Variants in RYR3 observed in about 807,000 individuals in gnomAD.
The protein encoded by RYR3 is brain ryanodine receptor-calcium release channel.
A neutral mutation model predicts 584.3 loss-of-function variants in RYR3; 207 were observed. That is an observed-to-expected ratio of 0.35 (90% CI 0.32 to 0.40). RYR3 has a LOEUF of 0.40. Ranked by LOEUF, RYR3 falls within the 10% of genes least tolerant of loss-of-function variation. The pLI is 1.00. For missense variants in RYR3, 5,616 were observed against 6,089.2 expected (o/e 0.92, Z 2.59); for synonymous variants, 2,416 against 2,248.5 (o/e 1.07, Z -2.11).
chr15:33,577,223 C>T (rs887662698), intron 12 of RYR3, among the ~76,000 whole-genome samples: 1 of 152,170 alleles, frequency 6.6e-6, no homozygotes, highest in African/African-American at 2.4e-5. Context: ...ATGCTATTCC[C>T]ATTAAACTAC....
intron 3 of RYR3, among the ~76,000 whole-genome samples, chr15:33,529,793 C>T (rs1003867785): frequency 1.3e-5 from 2 of 152,160 alleles, no homozygotes; most frequent in Non-Finnish European, 2.9e-5. Flanking sequence ...ACCTACTCAC[C>T]TCTAACTATA....
At chr15:33,406,600 A>G (rs558507816) in intron 1 of RYR3, among the ~76,000 whole-genome samples, 1 of 152,330 alleles carries the variant, frequency 6.6e-6, no homozygotes, top group South Asian at 2.1e-4. Context: ...TGCCTGCCCT[A>G]CAAATCCTCA....
intron 16 of RYR3, among the ~76,000 whole-genome samples, chr15:33,591,773 T>C (rs376535408): frequency 6.6e-6 from 1 of 152,304 alleles, no homozygotes; most frequent in Non-Finnish European, 1.5e-5. Flanking sequence ...AATAGTAATA[T>C]CATTGATTCT....
intron 103 of RYR3, among the ~76,000 whole-genome samples, chr15:33,864,587 G>A (rs1190591532): frequency 6.6e-6 from 1 of 151,366 alleles, no homozygotes; most frequent in African/African-American, 2.4e-5. Flanking sequence ...GGAGCCTGGA[G>A]GTGTGCATGT....
At chr15:33,375,474 A>G (rs953678847) in intron 1 of RYR3, among the ~76,000 whole-genome samples, 1 of 152,154 alleles carries the variant, frequency 6.6e-6, no homozygotes, top group African/African-American at 2.4e-5. Flanking sequence ...AGGGCAATCC[A>G]GATAAAATAG....
intron 16 of RYR3, among the ~76,000 whole-genome samples, chr15:33,593,556 G>C (rs1377705802): frequency 2.6e-5 from 4 of 152,124 alleles, no homozygotes; most frequent in Non-Finnish European, 4.4e-5. Context: ...ACGTAAACAG[G>C]TTGCTGTTAT....
At chr15:33,860,529 CCTTT>C (rs1887798975) in intron 100 of RYR3, 62 bp from the exon 101 acceptor site, 3 of 927,658 alleles carry the variant, frequency 3.2e-6, no homozygotes, top group Non-Finnish European at 4.7e-6. Flanking sequence ...GTAGCTTCTT[CCTTT>C]ATCATTCCTC....
intron 1 of RYR3, among the ~76,000 whole-genome samples, chr15:33,399,380 T>C (rs2042493864): frequency 6.6e-6 from 1 of 152,164 alleles, no homozygotes; most frequent in Admixed American, 6.5e-5. Context: ...GGCTCGTGCC[T>C]GTACAATCCC....
At chr15:33,643,854 CAT>C (rs1487785833) in intron 27 of RYR3, among the ~76,000 whole-genome samples, 1 of 152,170 alleles carries the variant, frequency 6.6e-6, no homozygotes, top group East Asian at 1.9e-4. Context: ...CATCATCTCA[CAT>C]AGTTACCCAT....
chr15:33,723,191 T>C (rs534806843), intron 44 of RYR3, among the ~76,000 whole-genome samples: 29 of 152,354 alleles, frequency 1.9e-4, no homozygotes, highest in African/African-American at 6.3e-4. Context: ...GCTAAAGGTC[T>C]GGACCAAGGT....
intron 27 of RYR3, among the ~76,000 whole-genome samples, chr15:33,638,104 A>C (rs1344111445): frequency 6.6e-6 from 1 of 152,260 alleles, no homozygotes; most frequent in Non-Finnish European, 1.5e-5. Flanking sequence ...CAAATGACTA[A>C]AGTCAAATGG....
intron 94 of RYR3, chr15:33,852,458 C>A: frequency 6.5e-6 from 1 of 154,356 alleles, no homozygotes; most frequent in Non-Finnish European, 1.4e-5. Flanking sequence ...GAAAGGGATC[C>A]AACTCCTGGA....
intron 60 of RYR3, among the ~76,000 whole-genome samples, chr15:33,766,089 T>C (rs1488334335): frequency 1.3e-5 from 2 of 152,072 alleles, no homozygotes; most frequent in East Asian, 3.9e-4. Context: ...GAGACCAGCC[T>C]GGCCAACATG....
At chr15:33,788,588 T>C in intron 67 of RYR3, 130 bp downstream of exon 67, 3 of 1,004,240 alleles carry the variant, frequency 3.0e-6, no homozygotes, top group Non-Finnish European at 4.3e-6. Flanking sequence ...CCCACCATTC[T>C]CCTTCCCAAC....
intron 1 of RYR3, among the ~76,000 whole-genome samples, chr15:33,425,143 C>T (rs536506656): frequency 2.6e-5 from 4 of 151,598 alleles, no homozygotes; most frequent in African/African-American, 4.9e-5. Flanking sequence ...TGATCTCCAC[C>T]GCGTTTTACT....
intron 1 of RYR3, among the ~76,000 whole-genome samples, chr15:33,364,004 T>C (rs1037110084): frequency 6.6e-6 from 1 of 152,224 alleles, no homozygotes; most frequent in African/African-American, 2.4e-5. Context: ...ACAGATCAAG[T>C]ATTTCCAATG....
At chr15:33,549,841 C>T (rs2056540929) in intron 9 of RYR3, among the ~76,000 whole-genome samples, 1 of 152,140 alleles carries the variant, frequency 6.6e-6, no homozygotes, top group Non-Finnish European at 1.5e-5. Context: ...GACAAGCTTC[C>T]CATTGATTTG....
intron 1 of RYR3, among the ~76,000 whole-genome samples, chr15:33,376,956 CTCTGT>C (rs2040796980): frequency 6.6e-6 from 1 of 152,098 alleles, no homozygotes; most frequent in Admixed American, 6.6e-5. Flanking sequence ...TTTTTGGACT[CTCTGT>C]TCTGTTTCAT....
intron 85 of RYR3, chr15:33,830,712 C>A (rs1315387797): frequency 1.5e-5 from 5 of 328,540 alleles, no homozygotes; most frequent in Non-Finnish European, 2.2e-5. Flanking sequence ...AGTAAATTAT[C>A]CTATTTCATA....
Sources: gnomAD v4.1 joint callset for allele counts (sites outside exome capture counted in the v4.1 genomes callset) on GRCh38, gnomAD v4.1.1 for gene constraint, MANE v1.5 for transcripts, NCBI Gene and HGNC (gene_info 2026-07-23, HGNC 2026-07-21) for gene names.